The following RTL4 variants were observed in gnomAD, a reference collection of about 807,000 sequenced individuals.
The protein encoded by RTL4 is retrotransposon Gag-like protein 4.
RTL4 carries 4 observed loss-of-function variants against 5.3 expected under a neutral mutation model. The observed-to-expected ratio is 0.75, with a 90% CI of 0.37 to 1.72. The LOEUF (loss-of-function observed/expected upper bound fraction) is 1.72, where lower values mean the gene tolerates loss of function less well. Among genes scored for constraint, RTL4 ranks in the 40% most tolerant of loss-of-function variants. The pLI, the probability that RTL4 is intolerant of heterozygous loss-of-function variation, is 0.04. For synonymous variants in RTL4, 98 were observed against 87.3 expected (o/e 1.12, Z -0.68); for missense variants, 260 against 227.1 (o/e 1.14, Z -0.93).
the RTL4 span, among the ~76,000 whole-genome samples, chrX:112,119,924 A>C: frequency 1.8e-5 from 2 of 112,263 alleles, no homozygotes; most frequent in African/African-American, 6.5e-5. Context: ...GCTACCTTTC[A>C]TGTTATTGGC....
the RTL4 span, among the ~76,000 whole-genome samples, chrX:112,352,761 A>G: frequency 8.9e-6 from 1 of 111,839 alleles, no homozygotes; most frequent in Non-Finnish European, 1.9e-5. Context: ...CATTCAGGAC[A>G]TAGGCATGGG....
At chrX:112,417,395 A>T in the RTL4 span, among the ~76,000 whole-genome samples, 1 of 111,976 alleles carries the variant, frequency 8.9e-6, no homozygotes, top group African/African-American at 3.2e-5. Context: ...ATGTCCAAAA[A>T]AACTTAGAGA....
chrX:112,440,697 C>T, the RTL4 span, among the ~76,000 whole-genome samples: 1 of 111,622 alleles, frequency 9.0e-6, no homozygotes. Context: ...TATTTAGGAG[C>T]TTTGCTTTCT....
the RTL4 span, among the ~76,000 whole-genome samples, chrX:112,408,080 A>G: frequency 9.0e-6 from 1 of 111,686 alleles, no homozygotes; most frequent in African/African-American, 3.3e-5. Flanking sequence ...GTAACTCTTC[A>G]ATGACTAGAA....
At chrX:112,415,392 T>G in the RTL4 span, among the ~76,000 whole-genome samples, 1 of 111,605 alleles carries the variant, frequency 9.0e-6, no homozygotes, top group Non-Finnish European at 1.9e-5. Context: ...GATCAATTCA[T>G]TTTTAATAGC....
At chrX:112,348,387 T>C in the RTL4 span, among the ~76,000 whole-genome samples, 1 of 109,316 alleles carries the variant, frequency 9.1e-6, no homozygotes, top group Non-Finnish European at 1.9e-5. Flanking sequence ...TTTTTTCTGT[T>C]TCATATCATT....
At chrX:112,295,651 C>T in the RTL4 span, among the ~76,000 whole-genome samples, 2 of 112,355 alleles carry the variant, frequency 1.8e-5, no homozygotes, top group South Asian at 7.4e-4. Context: ...TGCTATGAGC[C>T]TTCCGGGGCA....
the RTL4 span, among the ~76,000 whole-genome samples, chrX:112,203,569 G>C: frequency 9.1e-6 from 1 of 110,400 alleles, no homozygotes; most frequent in Non-Finnish European, 1.9e-5. Flanking sequence ...ATTCATATGG[G>C]TCGATTTCTG....
chrX:112,236,461 C>T, the RTL4 span, among the ~76,000 whole-genome samples: 1 of 72,088 alleles, frequency 1.4e-5, no homozygotes, highest in South Asian at 7.5e-4. Flanking sequence ...AGATATAGAT[C>T]TATATCTATA....
the RTL4 span, among the ~76,000 whole-genome samples, chrX:112,161,320 A>G: frequency 3.6e-5 from 4 of 111,867 alleles, no homozygotes; most frequent in Non-Finnish European, 7.5e-5. Flanking sequence ...TTGCAATGAC[A>G]TTGTCCTTGT....
the RTL4 span, among the ~76,000 whole-genome samples, chrX:112,205,442 A>G: frequency 8.9e-6 from 1 of 111,957 alleles, no homozygotes; most frequent in Admixed American, 9.5e-5. Context: ...AAGGAAGCAT[A>G]TATCAAATAA....
chrX:112,416,840 C>T, the RTL4 span, among the ~76,000 whole-genome samples: 36 of 111,849 alleles, frequency 3.2e-4, no homozygotes, highest in African/African-American at 1.1e-3. Context: ...TTGTAATGAG[C>T]ACCTGCCAGG....
At chrX:112,175,962 T>C in the RTL4 span, among the ~76,000 whole-genome samples, 153 of 110,667 alleles carry the variant, frequency 1.4e-3, 2 homozygotes, top group East Asian at 0.032. Context: ...GATGACATGA[T>C]TGTATATCTA....
the RTL4 span, among the ~76,000 whole-genome samples, chrX:112,300,711 C>T: frequency 4.1e-4 from 46 of 112,163 alleles, no homozygotes; most frequent in African/African-American, 1.3e-3. Flanking sequence ...AGAAGCAATA[C>T]GACAAGATTA....
At chrX:112,319,894 C>G in the RTL4 span, 1 of 112,057 alleles carries the variant, frequency 8.9e-6, no homozygotes, top group Admixed American at 9.5e-5. Flanking sequence ...TGTTTTGTGT[C>G]TAGCTTCTCT....
the RTL4 span, among the ~76,000 whole-genome samples, chrX:112,401,619 T>A: frequency 2.0e-5 from 1 of 50,908 alleles, no homozygotes; most frequent in African/African-American, 1.6e-4. Flanking sequence ...AATTCTAGAC[T>A]TTTTTTTTAC....
At chrX:112,401,667 CTG>C in the RTL4 span, among the ~76,000 whole-genome samples, 3 of 111,075 alleles carry the variant, frequency 2.7e-5, no homozygotes, top group African/African-American at 9.8e-5. Flanking sequence ...CTGATTTAAA[CTG>C]TTAAATTTTC....
At chrX:112,156,529 T>G in the RTL4 span, among the ~76,000 whole-genome samples, 1 of 112,035 alleles carries the variant, frequency 8.9e-6, no homozygotes, top group Admixed American at 9.5e-5. Flanking sequence ...AGGGCCATAG[T>G]ACTCCTGGTC....
chrX:112,332,407 C>G, the RTL4 span, among the ~76,000 whole-genome samples: 6 of 110,341 alleles, frequency 5.4e-5, no homozygotes, highest in Admixed American at 3.9e-4. Context: ...GCACTATTCA[C>G]AATAGCAAAG....
Sources: allele counts gnomAD v4.1 joint callset (sites outside exome capture counted in the v4.1 genomes callset), GRCh38; gene constraint gnomAD v4.1.1; transcripts MANE v1.5; gene names NCBI Gene and HGNC (gene_info 2026-07-23, HGNC 2026-07-21).